PBRM1: variants seen among roughly 807,000 people sequenced by gnomAD.
PBRM1 encodes the protein protein polybromo-1.
A neutral mutation model predicts 194.5 loss-of-function variants in PBRM1; 27 were observed. That is an observed-to-expected ratio of 0.14 (90% CI 0.10 to 0.19). The LOEUF (loss-of-function observed/expected upper bound fraction) is 0.19, where lower values mean the gene tolerates loss of function less well. PBRM1 is among the 10% of genes least tolerant of loss of function. The pLI, the probability that PBRM1 is intolerant of heterozygous loss-of-function variation, is 1.00. For missense variants in PBRM1, 1,466 were observed against 2,077.2 expected (o/e 0.71, Z 5.72); for synonymous variants, 655 against 693.2 (o/e 0.94, Z 0.87).
chr3:52,556,136 T>C (rs1011534112), intron 26 of PBRM1, among the ~76,000 whole-genome samples: 20 of 152,350 alleles, frequency 1.3e-4, no homozygotes, highest in Middle Eastern at 3.4e-3. Flanking sequence ...ACTCTTGGAC[T>C]TTCCCTGAAG....
chr3:52,600,598 GA>G (rs2093922302), intron 17 of PBRM1, among the ~76,000 whole-genome samples: 1 of 151,978 alleles, frequency 6.6e-6, no homozygotes, highest in African/African-American at 2.4e-5. Context: ...ATGTTTCTAA[GA>G]ATTATCTTGT....
At chr3:52,684,940 G>A (rs2097286460) in intron 1 of PBRM1, 1 of 152,060 alleles carries the variant, frequency 6.6e-6, no homozygotes, top group Non-Finnish European at 1.5e-5. Context: ...CAAAAATTAT[G>A]CTACTCTTTT....
chr3:52,598,660 G>T (rs1458085286), intron 17 of PBRM1, among the ~76,000 whole-genome samples: 3 of 152,148 alleles, frequency 2.0e-5, no homozygotes, highest in Non-Finnish European at 2.9e-5. Flanking sequence ...CAGGAGGGGG[G>T]ATCCCTTGAG....
rs183481725 is a variant in PBRM1, at chr3:52,603,452, C to T, written c.2779+69G>A. ...TTCATACAAACAGGACTCTTTTCCACAGCTAATTATGAGAACACCTAGAAG... is the reference window on the plus strand; with the variant it reads ...TTCATACAAACAGGACTCTTTTCCATAGCTAATTATGAGAACACCTAGAAG... On this transcript the variant is annotated intron_variant, in intron 17 of 29. Transcript: ENST00000296302. The T allele has an allele frequency of 5.7e-3, 8,577 of 1,498,346 alleles. 68 individuals are homozygous for T. Among genetic ancestry groups the T allele is most frequent in the South Asian group, 0.024 (1,944 of 79,824 alleles). The allele number at this position is 1,498,346 out of a possible 1,614,324, so 92.8% of individuals were successfully genotyped here. A position where few individuals can be genotyped will look rare whatever the true frequency, so the allele number is the denominator to read the frequency against.
chr3:52,629,130 A>T, intron 11 of PBRM1, 95 bp from the exon 13 acceptor site: 1 of 929,430 alleles, frequency 1.1e-6, no homozygotes, highest in South Asian at 1.6e-5. Context: ...CAAGCACTAC[A>T]TGGTATCTTT....
chr3:52,683,357 G>A (rs529858418), upstream of PBRM1, among the ~76,000 whole-genome samples: 3 of 151,248 alleles, frequency 2.0e-5, no homozygotes, highest in Admixed American at 6.6e-5. Flanking sequence ...CTGGGTGACA[G>A]AGCGAGACCG....
chr3:52,547,668 T>A (rs1559769289), downstream of PBRM1: 1 of 234,206 alleles, frequency 4.3e-6, no homozygotes, highest in East Asian at 6.1e-5. Flanking sequence ...GTGTTTTTTT[T>A]CATTTTGTTC....
chr3:52,604,986 T>TAAATAAATAAATAAAG (rs1248393430), intron 16 of PBRM1, among the ~76,000 whole-genome samples: 46 of 151,980 alleles, frequency 3.0e-4, no homozygotes, highest in Admixed American at 3.0e-3. Flanking sequence ...AATAAATAAA[T>TAAATAAATAAATAAAG]AAATAAAATG....
exon 12 of PBRM1, chr3:52,628,992 C>G (rs1188691461): frequency 6.2e-7 from 1 of 1,607,538 alleles, no homozygotes; most frequent in Non-Finnish European, 8.5e-7. Flanking sequence ...AGATCACACT[C>G]CAAATGATCT....
chr3:52,572,809 C>T (rs2153617974), intron 22 of PBRM1, among the ~76,000 whole-genome samples: 1 of 151,434 alleles, frequency 6.6e-6, no homozygotes, highest in South Asian at 2.1e-4. Context: ...TAATTATCTT[C>T]AAAACTTCTA....
intron 13 of PBRM1, among the ~76,000 whole-genome samples, chr3:52,624,679 C>T (rs2095388368): frequency 6.6e-6 from 1 of 152,234 alleles, no homozygotes; most frequent in African/African-American, 2.4e-5. Context: ...AAGCTAGCAA[C>T]AAATTAAGGC....
intron 17 of PBRM1, among the ~76,000 whole-genome samples, chr3:52,601,867 G>C (rs2094019373): frequency 6.6e-6 from 1 of 152,198 alleles, no homozygotes; most frequent in Non-Finnish European, 1.5e-5. Context: ...TGGGACCCAA[G>C]TGTTCTGCAC....
chr3:52,577,757 G>A (rs1419456367), intron 21 of PBRM1, among the ~76,000 whole-genome samples: 2 of 152,108 alleles, frequency 1.3e-5, no homozygotes, highest in Non-Finnish European at 2.9e-5. Context: ...TTCTTGCCTG[G>A]ATTATTGCAA....
intron 18 of PBRM1, 21 bp from the exon 21 acceptor site, chr3:52,587,531 G>C (rs1387539136): frequency 1.9e-6 from 3 of 1,542,204 alleles, no homozygotes; most frequent in Non-Finnish European, 2.6e-6. Flanking sequence ...GGGGGTGGGG[G>C]AAGGGGAAGA....
At chr3:52,669,034 C>T (rs991926650) in intron 2 of PBRM1, among the ~76,000 whole-genome samples, 1 of 152,112 alleles carries the variant, frequency 6.6e-6, no homozygotes, top group African/African-American at 2.4e-5. Context: ...TGTCTCAATA[C>T]TCTTTATAAA....
In PBRM1 at chr3:52,571,011, C is replaced by G. The variant is rs375867855; in HGVS notation, c.3691+5530G>C. ...GTGTTGGGACTACAGGCATGAGCTA[C>G]CACGTTGGCTATCTTTTAAAGATTT... On this transcript the variant is annotated intron_variant, in intron 22 of 29. Transcript: ENST00000296302. Among the ~76,000 whole-genome samples, 5 of 151,926 alleles carry G rather than the reference C, an allele frequency of 3.3e-5. No homozygotes were observed. In the South Asian group the frequency reaches 1.0e-3, roughly 32 times the overall value.
chr3:52,682,586 T>A (rs903567137), upstream of PBRM1, among the ~76,000 whole-genome samples: 1 of 152,182 alleles, frequency 6.6e-6, no homozygotes, highest in African/African-American at 2.4e-5. Context: ...TATTTTCTTA[T>A]CCATGGGACA....
chr3:52,582,432 C>T (rs1169552500), intron 20 of PBRM1, among the ~76,000 whole-genome samples: 4 of 124,928 alleles, frequency 3.2e-5, no homozygotes, highest in Admixed American at 9.1e-5. Context: ...TTTTTTCAGA[C>T]GGAGTCTCGC....
At chr3:52,554,163 G>A (rs2081705558) in intron 27 of PBRM1, among the ~76,000 whole-genome samples, 1 of 152,172 alleles carries the variant, frequency 6.6e-6, no homozygotes, top group African/African-American at 2.4e-5. Context: ...TTCCCTCCCT[G>A]CTTTTTGTTC....
Sources: gnomAD v4.1 joint callset for allele counts (sites outside exome capture counted in the v4.1 genomes callset) on GRCh38, gnomAD v4.1.1 for gene constraint, MANE v1.5 for transcripts, NCBI Gene and HGNC (gene_info 2026-07-23, HGNC 2026-07-21) for gene names.